The following SVOPL variants were observed in gnomAD, a reference collection of about 807,000 sequenced individuals.
SVOPL encodes the protein putative transporter SVOPL.
SVOPL carries 60 observed loss-of-function variants against 61.0 expected under a neutral mutation model. That is an observed-to-expected ratio of 0.98 (90% CI 0.80 to 1.22). The LOEUF (loss-of-function observed/expected upper bound fraction) is 1.22. Among genes scored for constraint, SVOPL ranks in the 50% most tolerant of loss-of-function variants. The pLI is 0.00. For missense variants in SVOPL, 662 were observed against 643.9 expected (o/e 1.03, Z -0.30); for synonymous variants, 279 against 250.0 (o/e 1.12, Z -1.09).
At chr7:138,644,574 G>T in intron 9 of SVOPL, 143 bp downstream of exon 9, 1 of 1,191,266 alleles carries the variant, frequency 8.4e-7, no homozygotes, top group Non-Finnish European at 1.1e-6. Flanking sequence ...AATGAATGTA[G>T]CCTCACATCT....
chr7:138,700,130 C>G (rs1201349773), intron 1 of SVOPL, among the ~76,000 whole-genome samples: 1 of 152,044 alleles, frequency 6.6e-6, no homozygotes, highest in Non-Finnish European at 1.5e-5. Context: ...AACACAAACT[C>G]AAAGTTAGTT....
intron 4 of SVOPL, among the ~76,000 whole-genome samples, chr7:138,663,730 T>C (rs1802114300): frequency 6.6e-6 from 1 of 152,192 alleles, no homozygotes; most frequent in South Asian, 2.1e-4. Context: ...GCCTGAGACC[T>C]CAGCTGCTGT....
At chr7:138,687,318 C>A (rs1164093728) in intron 1 of SVOPL, among the ~76,000 whole-genome samples, 1 of 146,562 alleles carries the variant, frequency 6.8e-6, no homozygotes, top group African/African-American at 2.5e-5. Context: ...TCACCACAAC[C>A]TCCGCCTCCT....
intron 3 of SVOPL, among the ~76,000 whole-genome samples, chr7:138,673,994 G>A (rs1304553570): frequency 1.3e-5 from 2 of 151,970 alleles, no homozygotes; most frequent in South Asian, 4.1e-4. Flanking sequence ...AGACCAGCTT[G>A]GCCAACATGG....
Position 138,621,990 on chromosome 7 carries a change from GTATC to G in SVOPL, c.1264-859_1264-856del, listed in dbSNP as rs1248293574. On this transcript the variant is annotated intron_variant, in intron 13 of 15. Coordinates refer to ENST00000674285, the MANE Select transcript of SVOPL (RefSeq NM_001139456.2). ...TCTATCTATGTATCTATCTATCTAT[GTATC>G]TATCTATCTATGTATCTATCTATGT... Among the ~76,000 whole-genome samples the G allele has an allele frequency of 2.3e-3, 24 of 10,576 alleles. 1 individual carries two copies. The highest frequency in any genetic ancestry group is 4.2e-3 in the Admixed American group (3 of 722). The allele number at this position is 10,576 out of a possible 152,430, so 6.9% of individuals were successfully genotyped here. A position where few individuals can be genotyped will look rare whatever the true frequency, so the allele number is the denominator to read the frequency against.
At chr7:138,665,653 T>G (rs1802233527) in intron 4 of SVOPL, among the ~76,000 whole-genome samples, 2 of 152,186 alleles carry the variant, frequency 1.3e-5, no homozygotes. Flanking sequence ...GTAATACAAT[T>G]TTGTAGTGCA....
intron 13 of SVOPL, among the ~76,000 whole-genome samples, chr7:138,623,100 G>GA (rs1013008857): frequency 3.9e-5 from 6 of 152,204 alleles, no homozygotes; most frequent in Non-Finnish European, 5.9e-5. Flanking sequence ...ATTTACAGGA[G>GA]AAGGTCTGGG....
chr7:138,622,246 CTATCTATG>C (rs1563096734), intron 13 of SVOPL, among the ~76,000 whole-genome samples: 11 of 107,368 alleles, frequency 1.0e-4, no homozygotes, highest in East Asian at 3.2e-4. Flanking sequence ...ATCTATCTAT[CTATCTATG>C]TATCTATCTA....
chr7:138,690,235 C>T (rs568236935), intron 1 of SVOPL, among the ~76,000 whole-genome samples: 3 of 152,312 alleles, frequency 2.0e-5, no homozygotes, highest in East Asian at 3.9e-4. Flanking sequence ...CACGTGTCCA[C>T]GCAAACACTC....
At chr7:138,689,555 GT>G in intron 1 of SVOPL, 4 of 409,148 alleles carry the variant, frequency 9.8e-6, no homozygotes, top group African/African-American at 7.4e-5. Context: ...GAAATTAAAA[GT>G]AAAAAAAGAA....
At chr7:138,633,010 A>C (rs1213406324) in intron 9 of SVOPL, among the ~76,000 whole-genome samples, 2 of 152,154 alleles carry the variant, frequency 1.3e-5, no homozygotes, top group Non-Finnish European at 2.9e-5. Flanking sequence ...ATAAACCATA[A>C]TAGCTTTCTT....
intron 4 of SVOPL, among the ~76,000 whole-genome samples, chr7:138,668,727 G>A (rs1231551074): frequency 6.6e-6 from 1 of 152,236 alleles, no homozygotes; most frequent in Non-Finnish European, 1.5e-5. Flanking sequence ...AACACAGTGA[G>A]TGACAGGGAC....
At chr7:138,632,643 G>A (rs1011589760) in intron 9 of SVOPL, among the ~76,000 whole-genome samples, 1 of 151,690 alleles carries the variant, frequency 6.6e-6, no homozygotes, top group Admixed American at 6.6e-5. Context: ...GATGTGGAGG[G>A]AGGAGGCCAG....
intron 14 of SVOPL, among the ~76,000 whole-genome samples, chr7:138,598,702 G>A (rs1798381988): frequency 1.3e-5 from 2 of 151,972 alleles, no homozygotes; most frequent in Admixed American, 6.6e-5. Flanking sequence ...CACTAAAGAA[G>A]TCTCAAGAAA....
chr7:138,667,649 GCTTT>G (rs1269649026), intron 4 of SVOPL, among the ~76,000 whole-genome samples: 1 of 152,082 alleles, frequency 6.6e-6, no homozygotes, highest in African/African-American at 2.4e-5. Context: ...CTTCCTACAT[GCTTT>G]CTTTCCTTTA....
At position 138,595,582 on chromosome 7, in the gene SVOPL, G is replaced by A. The variant is rs545107556; in HGVS notation, c.1467+835C>T. 5.9e-5 allele frequency among the ~76,000 whole-genome samples: 9 copies of A among 152,220 alleles called. No individual in the cohort carries two copies. The South Asian group carries it at 1.2e-3, about 21-fold the overall frequency. On this transcript the variant is annotated intron_variant, in intron 15 of 15. Coordinates refer to ENST00000674285, the MANE Select transcript of SVOPL (RefSeq NM_001139456.2). ...ATCATTATTTGCAAAATTAAGTGAC[G>A]CTAAATTCCTATCCCTTAGTGTTAC...
intron 7 of SVOPL, among the ~76,000 whole-genome samples, chr7:138,655,188 T>C (rs1225625358): frequency 1.3e-5 from 2 of 150,300 alleles, no homozygotes; most frequent in Admixed American, 1.3e-4. Context: ...AGACCCTGTC[T>C]CAAAAAAAAG....
At chr7:138,650,984 C>G (rs988915153) in intron 7 of SVOPL, among the ~76,000 whole-genome samples, 2 of 151,196 alleles carry the variant, frequency 1.3e-5, no homozygotes, top group Admixed American at 6.6e-5. Context: ...TGGGACAGGG[C>G]ACCTAGACTG....
At chr7:138,694,707 A>G (rs1803029705) in intron 1 of SVOPL, among the ~76,000 whole-genome samples, 1 of 152,134 alleles carries the variant, frequency 6.6e-6, no homozygotes, top group African/African-American at 2.4e-5. Context: ...TCCAATATTT[A>G]TCTATATAAT....
Sources: gnomAD v4.1 joint callset for allele counts (sites outside exome capture counted in the v4.1 genomes callset) on GRCh38, gnomAD v4.1.1 for gene constraint, MANE v1.5 for transcripts, NCBI Gene and HGNC (gene_info 2026-07-23, HGNC 2026-07-21) for gene names.